Variants in HPGD observed in about 807,000 individuals in gnomAD.
The protein encoded by HPGD is 15-hydroxyprostaglandin dehydrogenase [NAD(+)].
A neutral mutation model predicts 30.0 loss-of-function variants in HPGD; 29 were observed. The observed-to-expected ratio is 0.97, with a 90% CI of 0.72 to 1.32. HPGD has a LOEUF of 1.32. HPGD is among the 40% of genes most tolerant of loss of function. The pLI, the probability that HPGD is intolerant of heterozygous loss-of-function variation, is 0.00. For synonymous variants in HPGD, 99 were observed against 112.4 expected, an observed-to-expected ratio of 0.88 and a Z score of 0.75; for missense variants, 340 against 322.1, an observed-to-expected ratio of 1.06 and a Z score of -0.43.
chr4:174,519,374 C>G (rs528989692), intron 2 of HPGD, among the ~76,000 whole-genome samples: 1 of 151,948 alleles, frequency 6.6e-6, no homozygotes, highest in African/African-American at 2.4e-5. Context: ...CCACCACGCC[C>G]GGCTAATTTT....
At chr4:174,493,796 A>G (rs1355868883) in intron 5 of HPGD, among the ~76,000 whole-genome samples, 1 of 152,212 alleles carries the variant, frequency 6.6e-6, no homozygotes, top group East Asian at 1.9e-4. Context: ...TATTTGGCTT[A>G]ATTTACAAAC....
At chr4:174,493,107 C>T (rs957525848) in intron 6 of HPGD, 44 bp downstream of exon 6, 1 of 1,452,146 alleles carries the variant, frequency 6.9e-7, no homozygotes, top group South Asian at 1.2e-5. Context: ...CTAAATAATG[C>T]TTTGCTTCAT....
chr4:174,522,409 G>C lies in HPGD; in HGVS notation c.43C>G (p.Gln15Glu). Residue 15 changes from glutamine to glutamate, a missense_variant, in exon 1 of 7, where the codon CAG becomes GAG. By Grantham distance (29) the Gln-to-Glu change is conservative (BLOSUM62 2). Transcript: ENST00000296522. The part of the protein sequence containing the change: ...GKVALVTGAA[Q>E]GIGRAFAEAL... ...TCTGCAAAGGCTCTGCCTATGCCCT[G>C]AGCCGCGCCGGTCACCAGCGCCACT... 6.3e-7 allele frequency: 1 copy of C among 1,583,762 alleles called. No individual in the cohort carries two copies. The highest frequency in any genetic ancestry group is 8.6e-7 in the Non-Finnish European group (1 of 1,165,822).
At chr4:174,511,674 T>C (rs747828796) in intron 3 of HPGD, among the ~76,000 whole-genome samples, 11 of 152,112 alleles carry the variant, frequency 7.2e-5, no homozygotes, top group Admixed American at 2.0e-4. Flanking sequence ...TGAGACAGAG[T>C]CTCGCTCTGT....
rs1560976894 is a variant in HPGD, at chr4:174,497,568, C to CCTTTTTTTTTTTTTTTTTTTTTTTTTT, written c.422-1945_422-1944insAAAAAAAAAAAAAAAAAAAAAAAAAAG. Among the ~76,000 whole-genome samples the CCTTTTTTTTTTTTTTTTTTTTTTTTTT allele has an allele frequency of 5.9e-5, 3 of 51,114 alleles. 1 individual carries two copies. The highest frequency in any genetic ancestry group is 1.3e-4 in the African/African-American group (2 of 14,960). 33.5% of individuals were successfully genotyped at this position (51,114 alleles called of 152,430 possible). A position where few individuals can be genotyped will look rare whatever the true frequency, so the allele number is the denominator to read the frequency against. On this transcript the variant is annotated intron_variant, in intron 4 of 6. Transcript: ENST00000296522. The stretch of plus-strand genomic sequence containing the variant: ...CACTTTCTTTTCTTTCTTTTTCTTT[C>CCTTTTTTTTTTTTTTTTTTTTTTTTTT]TTTTTTTTTTTTTTTTTTTTTTTTT...
intron 4 of HPGD, chr4:174,508,240 A>G: frequency 1.5e-6 from 1 of 649,668 alleles, no homozygotes; most frequent in South Asian, 1.7e-5. Flanking sequence ...TGCTTATACT[A>G]CATGTAAGTT....
chr4:174,519,131 C>T (rs1186037571), intron 2 of HPGD, among the ~76,000 whole-genome samples: 1 of 152,104 alleles, frequency 6.6e-6, no homozygotes, highest in Non-Finnish European at 1.5e-5. Context: ...TTACTAAAAA[C>T]ATTTTCAAGA....
chr4:174,522,119 G>C (rs780764234), intron 1 of HPGD, 52 bp from the exon 2 acceptor site: 6 of 1,612,810 alleles, frequency 3.7e-6, no homozygotes, highest in Non-Finnish European at 5.1e-6. Context: ...CGAAATAGAC[G>C]GACAAACAAT....
intron 3 of HPGD, among the ~76,000 whole-genome samples, chr4:174,509,866 T>TATCC (rs1735387726): frequency 6.6e-6 from 1 of 150,946 alleles, no homozygotes; most frequent in African/African-American, 2.4e-5. Flanking sequence ...TTGCCACTTA[T>TATCC]ATCCATGTGT....
chr4:174,494,752 C>T lies in HPGD; in HGVS notation c.498+796G>A, dbSNP rs566423134. Among the ~76,000 whole-genome samples, 4 of 152,136 alleles carry T rather than the reference C, an allele frequency of 2.6e-5. No individual in the cohort carries two copies. Among genetic ancestry groups the T allele is most frequent in the Non-Finnish European group, 5.9e-5 (4 of 68,018 alleles). On this transcript the variant is annotated intron_variant, in intron 5 of 6. Transcript: ENST00000296522. The surrounding 1 kb of genome is among the most constrained non-coding windows in gnomAD (Gnocchi z 4.9). The stretch of plus-strand genomic sequence containing the variant: ...AGAGACCCCCTACAACTGTTCTTTC[C>T]GCTTTTACACTTGTCTTTTGTAACA...
chr4:174,502,677 C>A (rs1365445908), intron 4 of HPGD, among the ~76,000 whole-genome samples: 363 of 98,680 alleles, frequency 3.7e-3, no homozygotes, highest in South Asian at 7.7e-3. Context: ...GACTCCGTCT[C>A]AAAAAAAAAA....
At position 174,490,640 on chromosome 4, in the gene HPGD, A is replaced by T. The variant is rs930654162; in HGVS notation, c.*1316T>A. ...CTAGACCAGAGTTATTAATATTCAA[A>T]TTACTCCTTAAAAGTGAAGGCAATT... is the stretch of plus-strand genomic sequence containing the variant. On this transcript the variant is annotated 3_prime_UTR_variant, in exon 7 of 7. Transcript: ENST00000296522. The surrounding 1 kb of genome is among the most constrained non-coding windows in gnomAD (Gnocchi z 4.4). 2.0e-5 allele frequency: 3 copies of T among 152,322 alleles called. No homozygotes were observed. The highest frequency in any genetic ancestry group is 7.2e-5 in the African/African-American group (3 of 41,460). 9.4% of individuals were successfully genotyped at this position (152,322 alleles called of 1,614,324 possible).
rs964143335 is a variant in HPGD, at chr4:174,507,978, G to A, written c.421+718C>T. On this transcript the variant is annotated intron_variant, in intron 4 of 6. Coordinates refer to ENST00000296522, the MANE Select transcript of HPGD (RefSeq NM_000860.6). Reference sequence around the variant, plus strand: ...ACAGTTAGGTGAAACATGAGCTCAAGTTCTATACTGAAATGTGAGCAGAAG... The same window carrying A: ...ACAGTTAGGTGAAACATGAGCTCAAATTCTATACTGAAATGTGAGCAGAAG... 6 of 590,812 alleles carry A rather than the reference G, an allele frequency of 1.0e-5. 1 individual carries two copies. In the Admixed American group the frequency reaches 1.5e-4, roughly 15 times the overall value. The allele number at this position is 590,812 out of a possible 1,614,324, so 36.6% of individuals were successfully genotyped here. A position where few individuals can be genotyped will look rare whatever the true frequency, so the allele number is the denominator to read the frequency against.
chr4:174,493,095 A>G lies in HPGD; in HGVS notation c.662+56T>C, dbSNP rs2612694. The G allele has an allele frequency of 0.77, 1,099,065 of 1,421,472 alleles. 426,718 individuals carry two copies. Among genetic ancestry groups the G allele is most frequent in the East Asian group, 0.85 (34,847 of 40,990 alleles). The allele number at this position is 1,421,472 out of a possible 1,614,324, so 88.1% of individuals were successfully genotyped here. A position where few individuals can be genotyped will look rare whatever the true frequency, so the allele number is the denominator to read the frequency against. On this transcript the variant is annotated intron_variant, in intron 6 of 6. Coordinates refer to ENST00000296522, the MANE Select transcript of HPGD (RefSeq NM_000860.6). ...CTTATTTCTTCCCTTTTTATAGCTT[A>G]TCTAAATAATGCTTTGCTTCATCAT... is the stretch of plus-strand genomic sequence containing the variant.
At chr4:174,517,934 A>T (rs752508624) in intron 3 of HPGD, 37 bp downstream of exon 3, 1 of 1,070,980 alleles carries the variant, frequency 9.3e-7, no homozygotes, top group South Asian at 1.3e-5. Flanking sequence ...ATGTTATTAA[A>T]TAATTATAGA....
rs1486909242 is a variant in HPGD at position 174,496,073 on chromosome 4, T to G, written c.422-449A>C. Among the ~76,000 whole-genome samples the G allele has an allele frequency of 6.6e-6, 1 of 152,230 alleles. No individual in the cohort carries two copies. Among genetic ancestry groups the G allele is most frequent in the African/African-American group, 2.4e-5 (1 of 41,464 alleles). ...TGAATCTTCAGAGAGTCTTGGAGAT[T>G]ATTAGTCTTCACTACAAATTAGTAT... is the stretch of plus-strand genomic sequence containing the variant. On this transcript the variant is annotated intron_variant, in intron 4 of 6. Transcript: ENST00000296522. This position sits in a 1 kb window ranked among gnomAD's most constrained non-coding sequence, Gnocchi z 4.6.
intron 3 of HPGD, among the ~76,000 whole-genome samples, chr4:174,511,936 G>A (rs1399505220): frequency 1.3e-5 from 2 of 152,172 alleles, no homozygotes; most frequent in South Asian, 2.1e-4. Flanking sequence ...GTGAGTCACC[G>A]CTCCCGGCCT....
In HPGD at chr4:174,513,313, G is replaced by T. The variant is rs192437169; in HGVS notation, c.325-4521C>A. Among the ~76,000 whole-genome samples the T allele has an allele frequency of 7.2e-5, 11 of 152,230 alleles. No homozygotes were observed. In the East Asian group the frequency reaches 1.9e-3, roughly 27 times the overall value. On this transcript the variant is annotated intron_variant, in intron 3 of 6. Coordinates refer to ENST00000296522, the MANE Select transcript of HPGD (RefSeq NM_000860.6). ...TCATTTAATGTGGTTTTGGAAAGTGGCATGAGTCTATATTCTTAAAAATCC... is the reference window on the plus strand; with the variant it reads ...TCATTTAATGTGGTTTTGGAAAGTGTCATGAGTCTATATTCTTAAAAATCC...
rs186971131 is a variant in HPGD, at chr4:174,521,805, A to C, written c.217+139T>G. ...GTCAGAAGGAAACGTATCAGTCCAA[A>C]CTGTCTTTTGGAGCTTCAAGGTAGC... On this transcript the variant is annotated intron_variant, in intron 2 of 6. Coordinates refer to ENST00000296522, the MANE Select transcript of HPGD (RefSeq NM_000860.6). 7.5e-4 allele frequency: 729 copies of C among 972,392 alleles called. 2 individuals are homozygous for C. The African/African-American group carries it at 0.01, about 14-fold the overall frequency. The allele number at this position is 972,392 out of a possible 1,614,324, so 60.2% of individuals were successfully genotyped here. A position where few individuals can be genotyped will look rare whatever the true frequency, so the allele number is the denominator to read the frequency against.
Sources: gnomAD v4.1 joint callset for allele counts (sites outside exome capture counted in the v4.1 genomes callset) on GRCh38, gnomAD v4.1.1 for gene constraint, Gnocchi (gnomAD v3.1) non-coding constraint, MANE v1.5 for transcripts, NCBI Gene and HGNC (gene_info 2026-07-23, HGNC 2026-07-21) for gene names.